The following PRKCA variants were observed in gnomAD, a reference collection of about 807,000 sequenced individuals.
The protein encoded by PRKCA is protein kinase C alpha.
PRKCA carries 27 observed loss-of-function variants against 87.0 expected under a neutral mutation model. That is an observed-to-expected ratio of 0.31 (90% CI 0.23 to 0.43). PRKCA has a LOEUF of 0.43. PRKCA is among the 20% of genes least tolerant of loss of function. The pLI, the probability that PRKCA is intolerant of heterozygous loss-of-function variation, is 1.00. For missense variants in PRKCA, 518 were observed against 852.3 expected, an observed-to-expected ratio of 0.61 and a Z score of 4.88; for synonymous variants, 329 against 311.1, an observed-to-expected ratio of 1.06 and a Z score of -0.61.
Position 66,645,356 on chromosome 17 carries a change from C to T in PRKCA, c.401-27C>T, listed in dbSNP as rs1041608947. On this transcript the variant is annotated intron_variant, in intron 4 of 16. Coordinates refer to ENST00000413366, the MANE Select transcript of PRKCA (RefSeq NM_002737.3). ...CGGTGGTTGGAGTCCATATGCCCAGCTCACCCTCTCCTTTCTTGATTCACA... is the reference window on the plus strand; with the variant it reads ...CGGTGGTTGGAGTCCATATGCCCAGTTCACCCTCTCCTTTCTTGATTCACA... 7.4e-6 allele frequency: 12 copies of T among 1,613,828 alleles called. No individual in the cohort carries two copies. The African/African-American group carries it at 1.1e-4, about 14-fold the overall frequency.
chr17:66,658,570 T>A (rs1971801298), intron 5 of PRKCA, among the ~76,000 whole-genome samples: 1 of 152,204 alleles, frequency 6.6e-6, no homozygotes, highest in South Asian at 2.1e-4. Context: ...CTGTGGGGAT[T>A]ATGAGAACTA....
At chr17:66,741,956 T>G (rs1484031356) in intron 12 of PRKCA, among the ~76,000 whole-genome samples, 1 of 152,132 alleles carries the variant, frequency 6.6e-6, no homozygotes, top group African/African-American at 2.4e-5. Context: ...AGAAAACACA[T>G]TTTTCTCTCC....
intron 3 of PRKCA, among the ~76,000 whole-genome samples, chr17:66,521,076 C>T (rs1433293990): frequency 3.3e-5 from 5 of 151,922 alleles, no homozygotes; most frequent in African/African-American, 1.2e-4. Flanking sequence ...TCTGTCCACT[C>T]AGTACAAACC....
chr17:66,554,852 C>T (rs1432301370), intron 3 of PRKCA, among the ~76,000 whole-genome samples: 28 of 151,204 alleles, frequency 1.9e-4, no homozygotes, highest in Non-Finnish European at 1.6e-4. Context: ...TGTGATTCCA[C>T]GTTGTCACCT....
At chr17:66,619,041 T>G (rs79212300) in intron 3 of PRKCA, among the ~76,000 whole-genome samples, 1 of 152,186 alleles carries the variant, frequency 6.6e-6, no homozygotes, top group South Asian at 2.1e-4. Context: ...CCTCAAGAAC[T>G]GAGAATGTAG....
At chr17:66,329,449 T>C (rs531422252) in intron 2 of PRKCA, among the ~76,000 whole-genome samples, 16 of 152,356 alleles carry the variant, frequency 1.1e-4, no homozygotes, top group Admixed American at 4.6e-4. Context: ...GAGAGTCATC[T>C]GCTTACAAGT....
chr17:66,495,878 C>CA (rs1244579552), intron 2 of PRKCA, among the ~76,000 whole-genome samples: 1 of 152,042 alleles, frequency 6.6e-6, no homozygotes, highest in Non-Finnish European at 1.5e-5. Flanking sequence ...TAGGATGGTG[C>CA]AAAATGTTCT....
At chr17:66,720,620 T>C (rs1335553273) in intron 8 of PRKCA, among the ~76,000 whole-genome samples, 2 of 152,232 alleles carry the variant, frequency 1.3e-5, no homozygotes, top group Admixed American at 6.5e-5. Context: ...TGGTTATATA[T>C]GGCATGGCTA....
chr17:66,696,809 A>G (rs888654580), intron 8 of PRKCA, among the ~76,000 whole-genome samples: 2 of 152,164 alleles, frequency 1.3e-5, no homozygotes, highest in African/African-American at 4.8e-5. Flanking sequence ...TTCCCAGTTC[A>G]TCTCTGTTTT....
intron 2 of PRKCA, among the ~76,000 whole-genome samples, chr17:66,394,413 G>A (rs1910543012): frequency 6.6e-6 from 1 of 152,196 alleles, no homozygotes; most frequent in African/African-American, 2.4e-5. Flanking sequence ...AGAGGAGCTG[G>A]CTCACTGGGG....
At chr17:66,676,658 A>G (rs1408889058) in intron 5 of PRKCA, 1 of 152,292 alleles carries the variant, frequency 6.6e-6, no homozygotes, top group East Asian at 1.9e-4. Context: ...GGGGTTGGCC[A>G]ATTGCAACAG....
intron 8 of PRKCA, among the ~76,000 whole-genome samples, chr17:66,706,401 C>T (rs890538280): frequency 3.3e-5 from 5 of 151,584 alleles, no homozygotes; most frequent in African/African-American, 9.7e-5. Flanking sequence ...TTTGGGAGGC[C>T]GAGGCAGGCA....
intron 5 of PRKCA, among the ~76,000 whole-genome samples, chr17:66,648,112 ACT>A (rs1388158131): frequency 6.6e-6 from 1 of 152,200 alleles, no homozygotes; most frequent in Admixed American, 6.5e-5. Flanking sequence ...GGCACTTCTC[ACT>A]GTGTCCTCAC....
chr17:66,720,056 T>C (rs1973575335), intron 8 of PRKCA, among the ~76,000 whole-genome samples: 2 of 152,160 alleles, frequency 1.3e-5, no homozygotes, highest in African/African-American at 4.8e-5. Flanking sequence ...AGACGAGCCG[T>C]GCGTGCTCAT....
intron 2 of PRKCA, among the ~76,000 whole-genome samples, chr17:66,356,474 A>G (rs1381320252): frequency 6.6e-6 from 1 of 152,034 alleles, no homozygotes; most frequent in African/African-American, 2.4e-5. Context: ...TCTCTACTAA[A>G]AATACAAAAA....
intron 3 of PRKCA, among the ~76,000 whole-genome samples, chr17:66,559,432 G>A (rs1387746298): frequency 1.6e-5 from 2 of 124,970 alleles, no homozygotes; most frequent in African/African-American, 6.2e-5. Flanking sequence ...CCAAGATCAC[G>A]CCACTGCACT....
At position 66,787,091 on chromosome 17, in the gene PRKCA, T is replaced by C. The variant is rs1459819749; in HGVS notation, c.1713+117T>C. 4.5e-6 allele frequency: 4 copies of C among 889,638 alleles called. No homozygotes were observed. In the African/African-American group the frequency reaches 4.9e-5, roughly 11 times the overall value. 55.1% of individuals were successfully genotyped at this position (889,638 alleles called of 1,614,324 possible). ...CACCACAAACCCACACCACTGCATT[T>C]TGGCCATCGAGGGTTGGGGCTTGGT... is the stretch of plus-strand genomic sequence containing the variant. On this transcript the variant is annotated intron_variant, in intron 15 of 16. Transcript: ENST00000413366.
At chr17:66,539,767 C>T (rs922564964) in intron 3 of PRKCA, among the ~76,000 whole-genome samples, 3 of 152,154 alleles carry the variant, frequency 2.0e-5, no homozygotes, top group African/African-American at 4.8e-5. Flanking sequence ...AAAACCTCAT[C>T]GTACCCAGAG....
chr17:66,482,632 GTACTTT>G (rs1334628623), intron 2 of PRKCA, among the ~76,000 whole-genome samples: 1 of 152,196 alleles, frequency 6.6e-6, no homozygotes, highest in African/African-American at 2.4e-5. Context: ...GATCAAGAAA[GTACTTT>G]CACCAGCCAG....
Sources: gnomAD v4.1 joint callset for allele counts (sites outside exome capture counted in the v4.1 genomes callset) on GRCh38, gnomAD v4.1.1 for gene constraint, MANE v1.5 for transcripts, NCBI Gene and HGNC (gene_info 2026-07-23, HGNC 2026-07-21) for gene names.